The following L2HGDH variants were observed in gnomAD, a reference collection of about 807,000 sequenced individuals.
L2HGDH encodes L-2-hydroxyglutarate dehydrogenase, mitochondrial.
A neutral mutation model predicts 51.5 loss-of-function variants in L2HGDH; 34 were observed. That is an observed-to-expected ratio of 0.66 (90% CI 0.50 to 0.88). L2HGDH has a LOEUF of 0.88. L2HGDH is among the 40% of genes least tolerant of loss of function. L2HGDH has a pLI of 0.00. For synonymous variants in L2HGDH, 198 were observed against 197.9 expected, an observed-to-expected ratio of 1.00 and a Z score of -0.01; for missense variants, 558 against 571.9, an observed-to-expected ratio of 0.98 and a Z score of 0.25.
chr14:50,306,672 G>C (rs1354857807), intron 1 of L2HGDH, among the ~76,000 whole-genome samples: 1 of 150,700 alleles, frequency 6.6e-6, no homozygotes, highest in Non-Finnish European at 1.5e-5. Flanking sequence ...TGGCTGCTGC[G>C]TGTTGGTGGA....
At chr14:50,310,509 C>G (rs564914396) in intron 1 of L2HGDH, among the ~76,000 whole-genome samples, 6 of 152,088 alleles carry the variant, frequency 3.9e-5, no homozygotes, top group African/African-American at 1.4e-4. Flanking sequence ...GGGTTCGAGA[C>G]CACCCTGGGC....
intron 9 of L2HGDH, among the ~76,000 whole-genome samples, chr14:50,258,954 C>T (rs535442964): frequency 1.3e-5 from 2 of 151,700 alleles, no homozygotes; most frequent in East Asian, 3.9e-4. Context: ...AATTCTCTTG[C>T]CCCAGCCTCC....
At chr14:50,247,282 G>T in intron 9 of L2HGDH, 29 bp from the exon 10 acceptor site, 1 of 1,604,890 alleles carries the variant, frequency 6.2e-7, no homozygotes, top group South Asian at 1.1e-5. Flanking sequence ...GGAGTCAGCT[G>T]ACTCAAAGAC....
intron 9 of L2HGDH, among the ~76,000 whole-genome samples, chr14:50,255,550 A>AAG: frequency 6.6e-6 from 1 of 150,776 alleles, no homozygotes; most frequent in South Asian, 2.1e-4. Context: ...AAAAAAAAAA[A>AAG]AAAGAAAAGA....
chr14:50,246,022 T>A lies in L2HGDH; in HGVS notation c.*1036A>T. On this transcript the variant is annotated 3_prime_UTR_variant, in exon 10 of 10. Coordinates refer to ENST00000267436, the MANE Select transcript of L2HGDH (RefSeq NM_024884.3). Reference sequence around the variant, plus strand: ...CCTGTAATCCCAGCTACTCAGGAGGTTGAGGCAAGAGAATCGCTGGAACCC... The same window carrying A: ...CCTGTAATCCCAGCTACTCAGGAGGATGAGGCAAGAGAATCGCTGGAACCC... 6.4e-6 allele frequency: 1 copy of A among 156,486 alleles called. No homozygotes were observed. The highest frequency in any genetic ancestry group is 3.3e-3 in the Middle Eastern group (1 of 300). 9.7% of individuals were successfully genotyped at this position (156,486 alleles called of 1,614,324 possible).
At position 50,302,966 on chromosome 14, in the gene L2HGDH, G is replaced by C. The variant is rs1346597430; in HGVS notation, c.192C>G (p.Ala64=). The C allele has an allele frequency of 6.2e-7, 1 of 1,613,972 alleles. No homozygotes were observed. Among genetic ancestry groups the C allele is most frequent in the South Asian group, 1.1e-5 (1 of 91,084 alleles). ...VGGGIVGLAS[A]RALILRHPSL... is the part of the protein sequence containing the mutation. Reference sequence around the variant, plus strand: ...ATGGATGTCGCAGGATGAGTGCTCTGGCAGAGGCAAGCCCCACAATTCCGC... The same window carrying C: ...ATGGATGTCGCAGGATGAGTGCTCTCGCAGAGGCAAGCCCCACAATTCCGC... Residue 64 remains alanine, a synonymous_variant, in exon 2 of 10, where the codon GCC becomes GCG. Coordinates refer to ENST00000267436, the MANE Select transcript of L2HGDH (RefSeq NM_024884.3).
At chr14:50,306,578 T>C (rs946993) in intron 1 of L2HGDH, among the ~76,000 whole-genome samples, 1 of 148,236 alleles carries the variant, frequency 6.7e-6, no homozygotes. Context: ...TTGTTTTTTT[T>C]GGGGGGTTTT....
chr14:50,291,197 CAAAAAAAAAAAAAA>C (rs1159640500), intron 4 of L2HGDH, among the ~76,000 whole-genome samples: 2 of 30,644 alleles, frequency 6.5e-5, no homozygotes, highest in East Asian at 2.5e-3. Flanking sequence ...GACTCCGTCT[CAAAAAAAAAAAAAA>C]AAAAAAAAAA....
intron 3 of L2HGDH, 101 bp from the exon 4 acceptor site, chr14:50,294,347 A>AG: frequency 1.7e-6 from 2 of 1,165,528 alleles, no homozygotes; most frequent in Non-Finnish European, 2.4e-6. Flanking sequence ...TATGACCCAA[A>AG]GGAGGTTAAT....
At chr14:50,284,100 T>G (rs1890430664) in intron 4 of L2HGDH, 67 bp from the exon 5 acceptor site, 5 of 1,486,876 alleles carry the variant, frequency 3.4e-6, no homozygotes, top group Non-Finnish European at 4.6e-6. Flanking sequence ...AAAATCTCTA[T>G]AATCAAGAAA....
intron 3 of L2HGDH, among the ~76,000 whole-genome samples, chr14:50,300,560 G>A (rs2030350813): frequency 6.6e-6 from 1 of 152,070 alleles, no homozygotes; most frequent in African/African-American, 2.4e-5. Flanking sequence ...CTCCCAAAGT[G>A]CTGAGATTAC....
chr14:50,295,732 T>TAAGAATAAAAGCTCA (rs2029997621), intron 3 of L2HGDH, among the ~76,000 whole-genome samples: 1 of 150,666 alleles, frequency 6.6e-6, no homozygotes, highest in Non-Finnish European at 1.5e-5. Flanking sequence ...CTACAATTTT[T>TAAGAATAAAAGCTCA]TTTTCATAGC....
At chr14:50,289,797 A>G (rs111717823) in intron 4 of L2HGDH, among the ~76,000 whole-genome samples, 1 of 152,210 alleles carries the variant, frequency 6.6e-6, no homozygotes, top group African/African-American at 2.4e-5. Context: ...GAGGATTAGA[A>G]AGATTATAAC....
chr14:50,293,096 G>A, intron 4 of L2HGDH: 1 of 626,262 alleles, frequency 1.6e-6, no homozygotes, highest in Non-Finnish European at 2.9e-6. Context: ...CTGGGTGACA[G>A]AGTAAGAACC....
In L2HGDH at chr14:50,302,027, T is replaced by G; in HGVS notation, c.398A>C (p.Gln133Pro). Residue 133 changes from glutamine to proline, a missense_variant, in exon 3 of 10, where the codon CAG (glutamine) becomes CCG (proline). This residue lies in a region of L2HGDH where 194 missense variants were observed against 187.2 expected (regional missense o/e 1.04). Transcript: ENST00000267436. ...YCQQKGISYK[Q>P]CGKLIVAVEQ... ...AATAAAATGCCATACCTTGCCACACTGCTTGTAGGAAATTCCCTTTTGCTG... is the reference window on the plus strand; with the variant it reads ...AATAAAATGCCATACCTTGCCACACGGCTTGTAGGAAATTCCCTTTTGCTG... The G allele has an allele frequency of 6.2e-7, 1 of 1,614,140 alleles. No homozygotes were observed. Among genetic ancestry groups the G allele is most frequent in the South Asian group, 1.1e-5 (1 of 91,086 alleles).
intron 4 of L2HGDH, among the ~76,000 whole-genome samples, chr14:50,292,245 C>A (rs1232031329): frequency 6.6e-6 from 1 of 152,204 alleles, no homozygotes; most frequent in Non-Finnish European, 1.5e-5. Flanking sequence ...ATTGTCTCCA[C>A]ACAGACATAC....
At chr14:50,267,553 G>A (rs1889414281) in intron 8 of L2HGDH, among the ~76,000 whole-genome samples, 200 bp downstream of exon 8, 2 of 151,516 alleles carry the variant, frequency 1.3e-5, no homozygotes, top group African/African-American at 4.8e-5. Flanking sequence ...TATTCCAAAA[G>A]GCATTTTTTT....
intron 9 of L2HGDH, among the ~76,000 whole-genome samples, chr14:50,259,496 C>T (rs1888885753): frequency 6.6e-6 from 1 of 151,362 alleles, no homozygotes; most frequent in South Asian, 2.1e-4. Flanking sequence ...AGGCATGAGC[C>T]ACCCCGCCCG....
At chr14:50,282,319 T>C (rs967707889) in intron 5 of L2HGDH, 2 of 388,856 alleles carry the variant, frequency 5.1e-6, no homozygotes, top group African/African-American at 4.2e-5. Flanking sequence ...ACCTCCCCTC[T>C]GCAATTACCT....
Sources: allele counts gnomAD v4.1 joint callset (sites outside exome capture counted in the v4.1 genomes callset), GRCh38; gene constraint gnomAD v4.1.1; regional missense constraint gnomAD v4.1.1; transcripts MANE v1.5; gene names NCBI Gene and HGNC (gene_info 2026-07-23, HGNC 2026-07-21).